LMBR1: variants seen among roughly 807,000 people sequenced by gnomAD.
LMBR1 encodes the protein limb development membrane protein 1, also known as limb region 1 protein homolog.
A neutral mutation model predicts 73.9 loss-of-function variants in LMBR1; 52 were observed. The ratio of observed to expected loss-of-function variants is 0.70; its 90% CI spans 0.56 to 0.89. The LOEUF (loss-of-function observed/expected upper bound fraction) is 0.89, where lower values mean the gene tolerates loss of function less well. Among genes scored for constraint, LMBR1 ranks in the 40% least tolerant of loss-of-function variants. LMBR1 has a pLI of 0.00. For synonymous variants in LMBR1, 215 were observed against 209.4 expected (o/e 1.03, Z -0.23); for missense variants, 539 against 579.8 (o/e 0.93, Z 0.72).
intron 15 of LMBR1, among the ~76,000 whole-genome samples, chr7:156,715,822 T>C (rs1254597100): frequency 1.3e-5 from 2 of 152,236 alleles, no homozygotes; most frequent in South Asian, 2.1e-4. Context: ...CATCCATTCA[T>C]CCAACGATGG....
rs531586671 is a variant in LMBR1 at position 156,764,019 on chromosome 7, C to A, written c.424-224G>T. On this transcript the variant is annotated intron_variant, in intron 5 of 16. Coordinates refer to ENST00000353442, the MANE Select transcript of LMBR1 (RefSeq NM_022458.4). ...TGGATAAAACACAAAAAAAATTCTTCATAAAAAACATCTGCAGAGCCATTT... is the reference window on the plus strand; with the variant it reads ...TGGATAAAACACAAAAAAAATTCTTAATAAAAAACATCTGCAGAGCCATTT... 2.6e-5 allele frequency among the ~76,000 whole-genome samples: 4 copies of A among 152,270 alleles called. No homozygotes were observed. In the South Asian group the frequency reaches 8.3e-4, roughly 32 times the overall value.
chr7:156,776,287 C>G (rs1010675854), intron 5 of LMBR1, among the ~76,000 whole-genome samples: 2 of 151,986 alleles, frequency 1.3e-5, no homozygotes, highest in Non-Finnish European at 2.9e-5. Context: ...CTAATGCCAT[C>G]CTATCACTCT....
In LMBR1 at chr7:156,762,134, T is replaced by G; in HGVS notation, c.684A>C (p.Thr228=). 1.3e-6 allele frequency: 2 copies of G among 1,571,408 alleles called. No individual in the cohort carries two copies. Among genetic ancestry groups the G allele is most frequent in the Non-Finnish European group, 1.8e-6 (2 of 1,141,254 alleles). Residue 228 remains threonine, a splice_region_variant and synonymous_variant, in exon 8 of 17, where the codon ACA becomes ACC. Transcript: ENST00000353442. ...AAATGATTTATAATTAAATACTTACTGTTGGCTTCACTAGCAACTGACCCA... is the reference window on the plus strand; with the variant it reads ...AAATGATTTATAATTAAATACTTACGGTTGGCTTCACTAGCAACTGACCCA... ...TVMGQLLVKP[T]ILEDLDEQIY...
chr7:156,713,932 T>A (rs1812643927), intron 15 of LMBR1, among the ~76,000 whole-genome samples: 1 of 152,228 alleles, frequency 6.6e-6, no homozygotes, highest in African/African-American at 2.4e-5. Flanking sequence ...TTTTAAAGAA[T>A]TTTTGAGTCC....
At chr7:156,835,648 T>A (rs1837488748) in intron 2 of LMBR1, among the ~76,000 whole-genome samples, 2 of 143,066 alleles carry the variant, frequency 1.4e-5, no homozygotes, top group Admixed American at 7.4e-5. Flanking sequence ...TAAGCCGAGA[T>A]CGCACCACTG....
chr7:156,697,604 G>C (rs375915541), intron 15 of LMBR1, among the ~76,000 whole-genome samples: 1 of 152,112 alleles, frequency 6.6e-6, no homozygotes, highest in African/African-American at 2.4e-5. Flanking sequence ...TGAATTTAGC[G>C]ATATCTTCCC....
At chr7:156,697,330 G>A (rs1808511562) in intron 15 of LMBR1, among the ~76,000 whole-genome samples, 1 of 152,220 alleles carries the variant, frequency 6.6e-6, no homozygotes, top group Non-Finnish European at 1.5e-5. Context: ...GGTCTGTTCA[G>A]CGGTGCACAT....
intron 1 of LMBR1, among the ~76,000 whole-genome samples, chr7:156,881,090 T>C (rs1801015999): frequency 6.6e-6 from 1 of 152,200 alleles, no homozygotes; most frequent in South Asian, 2.1e-4. Flanking sequence ...TTTCAAAATA[T>C]ATTATTACAC....
intron 1 of LMBR1, among the ~76,000 whole-genome samples, chr7:156,847,546 A>T (rs1370941734): frequency 2.6e-5 from 4 of 152,202 alleles, no homozygotes; most frequent in African/African-American, 9.7e-5. Flanking sequence ...CTCCTCTGAT[A>T]AAGGACTACT....
chr7:156,840,955 ACTCGGT>A (rs1838587036), intron 1 of LMBR1, among the ~76,000 whole-genome samples: 1 of 136,438 alleles, frequency 7.3e-6, no homozygotes, highest in African/African-American at 2.8e-5. Context: ...ACTGAGCAAG[ACTCGGT>A]CTCAAAAAAA....
In LMBR1 at chr7:156,708,114, T is replaced by C. The variant is rs182732226; in HGVS notation, c.1225+15998A>G. ...ATTTACAATAGCCAGAAAAAAAAAA[T>C]TGGAGGAAGACGGCAGACAGGAGGC... On this transcript the variant is annotated intron_variant, in intron 15 of 16. Transcript: ENST00000353442. 2.7e-3 allele frequency among the ~76,000 whole-genome samples: 404 copies of C among 147,998 alleles called. 3 individuals carry two copies. The highest frequency in any genetic ancestry group is 3.1e-3 in the Admixed American group (47 of 14,958).
intron 1 of LMBR1, among the ~76,000 whole-genome samples, chr7:156,864,151 CACAAAAAAAATAAAAA>C (rs58564080): frequency 0.11 from 16,126 of 151,288 alleles, 1,160 homozygotes; most frequent in East Asian, 0.29. Context: ...GACTCTGTCT[CACAAAAAAAATAAAAA>C]ATAAAAAATA....
chr7:156,840,964 CAAAAAAAAAAAAAAA>C (rs57968006), intron 1 of LMBR1, among the ~76,000 whole-genome samples: 33 of 71,434 alleles, frequency 4.6e-4, no homozygotes, highest in African/African-American at 1.6e-3. Context: ...GACTCGGTCT[CAAAAAAAAAAAAAAA>C]AAAAAGAAAA....
At chr7:156,819,935 A>G (rs1046724314) in intron 4 of LMBR1, among the ~76,000 whole-genome samples, 3 of 152,188 alleles carry the variant, frequency 2.0e-5, no homozygotes, top group Non-Finnish European at 2.9e-5. Flanking sequence ...GGAAAGACCA[A>G]GTGGAAGCTA....
chr7:156,886,960 T>G (rs948325335), intron 1 of LMBR1, among the ~76,000 whole-genome samples: 1 of 152,184 alleles, frequency 6.6e-6, no homozygotes, highest in African/African-American at 2.4e-5. Flanking sequence ...AATTCAGTTT[T>G]TAAGGTTTCC....
At position 156,846,968 on chromosome 7, in the gene LMBR1, C is replaced by T. The variant is rs543418751; in HGVS notation, c.67-10083G>A. 2.0e-5 allele frequency among the ~76,000 whole-genome samples: 3 copies of T among 152,142 alleles called. No homozygotes were observed. The East Asian group carries it at 5.8e-4, about 29-fold the overall frequency. ...TATACCCCATAAACATACAATTATGCATATAAACAAAATTAATTTTAAAAA... is the reference window on the plus strand; with the variant it reads ...TATACCCCATAAACATACAATTATGTATATAAACAAAATTAATTTTAAAAA... On this transcript the variant is annotated intron_variant, in intron 1 of 16. Transcript: ENST00000353442.
chr7:156,675,643 G>A, downstream of LMBR1: 9 of 1,549,228 alleles, frequency 5.8e-6, no homozygotes, highest in Non-Finnish European at 7.1e-6. Context: ...GCGCTTCCCT[G>A]CAACCTCCAC....
chr7:156,878,605 A>G lies in LMBR1; in HGVS notation c.66+14323T>C, dbSNP rs371291205. On this transcript the variant is annotated intron_variant, in intron 1 of 16. Transcript: ENST00000353442. ...CCAAGCTCATGGATGGGTAGAATCAATATTGTGAAAATGACCATACTGCCA... is the reference window on the plus strand; with the variant it reads ...CCAAGCTCATGGATGGGTAGAATCAGTATTGTGAAAATGACCATACTGCCA... Among the ~76,000 whole-genome samples the G allele has an allele frequency of 2.6e-5, 4 of 152,348 alleles. No individual in the cohort carries two copies. The East Asian group carries it at 7.7e-4, about 29-fold the overall frequency.
chr7:156,834,700 A>G (rs1837292155), intron 2 of LMBR1: 1 of 156,104 alleles, frequency 6.4e-6, no homozygotes, highest in Non-Finnish European at 1.4e-5. Flanking sequence ...ATTGAAATAT[A>G]TTTAAAATTA....
Sources: gnomAD v4.1 joint callset for allele counts (sites outside exome capture counted in the v4.1 genomes callset) on GRCh38, gnomAD v4.1.1 for gene constraint, MANE v1.5 for transcripts, NCBI Gene and HGNC (gene_info 2026-07-23, HGNC 2026-07-21) for gene names.